The following CEP192 variants were observed in gnomAD, a reference collection of about 807,000 sequenced individuals.
CEP192 encodes centrosomal protein 192.
CEP192 carries 151 observed loss-of-function variants against 271.8 expected under a neutral mutation model. That is an observed-to-expected ratio of 0.56 (90% CI 0.49 to 0.64). CEP192 has a LOEUF of 0.64. Among genes scored for constraint, CEP192 ranks in the 30% least tolerant of loss-of-function variants. CEP192 has a pLI of 0.00. For synonymous variants in CEP192, 995 were observed against 1,076.5 expected (o/e 0.92, Z 1.48); for missense variants, 2,910 against 3,020.5 (o/e 0.96, Z 0.86).
intron 9 of CEP192, among the ~76,000 whole-genome samples, chr18:13,026,196 T>C (rs1020845441): frequency 2.0e-5 from 3 of 152,196 alleles, no homozygotes; most frequent in Non-Finnish European, 4.4e-5. Context: ...CCTTCTTGCT[T>C]GGCATGGTTT....
chr18:13,006,130 C>G (rs1420704969), intron 3 of CEP192, among the ~76,000 whole-genome samples: 4 of 151,998 alleles, frequency 2.6e-5, no homozygotes, highest in Non-Finnish European at 5.9e-5. Flanking sequence ...TTTGGATTGC[C>G]TGGGTTGTTC....
intron 36 of CEP192, among the ~76,000 whole-genome samples, chr18:13,097,585 G>A (rs2039461271): frequency 6.9e-6 from 1 of 144,616 alleles, no homozygotes; most frequent in Non-Finnish European, 1.5e-5. Context: ...ACCGTGAGTT[G>A]CTTTTAAAAT....
intron 21 of CEP192, 35 bp from the exon 22 acceptor site, chr18:13,067,796 C>CT (rs1212368320): frequency 1.2e-5 from 18 of 1,565,066 alleles, no homozygotes; most frequent in Non-Finnish European, 1.6e-5. Context: ...TAATATATTG[C>CT]TTTTCATAAA....
Position 13,105,066 on chromosome 18 carries a change from A to G in CEP192, c.7034A>G (p.His2345Arg). 1 of 1,613,166 alleles carries G rather than the reference A, an allele frequency of 6.2e-7. No homozygotes were observed. Among genetic ancestry groups the G allele is most frequent in the Non-Finnish European group, 8.5e-7 (1 of 1,179,064 alleles). The change falls in exon 40 of 45, where the codon CAT becomes CGT. Residue 2345 changes from histidine (H) to arginine (R), a missense_variant. Coordinates refer to ENST00000506447, the MANE Select transcript of CEP192 (RefSeq NM_032142.4). Reference sequence around the variant, plus strand: ...CCTATTTCTGGTCTGCTGGAAAGCCATGGGATCCAAAAAGTAGGTTTTGAT... The same window carrying G: ...CCTATTTCTGGTCTGCTGGAAAGCCGTGGGATCCAAAAAGTAGGTTTTGAT... ...CSPISGLLES[H>R]GIQKVSITFL...
Position 12,993,916 on chromosome 18 carries a change from G to A in CEP192, c.-5+2479G>A, listed in dbSNP as rs554025753. On this transcript the variant is annotated intron_variant, in intron 1 of 44. Coordinates refer to ENST00000506447, the MANE Select transcript of CEP192 (RefSeq NM_032142.4). ...TTCTTAAAACTCGTTTTTTCAATTT[G>A]TATTTCCAGTTCTCTGTCAGGTATT... Among the ~76,000 whole-genome samples, 7 of 152,202 alleles carry A rather than the reference G, an allele frequency of 4.6e-5. No individual in the cohort carries two copies. The South Asian group carries it at 8.3e-4, about 18-fold the overall frequency.
At chr18:13,004,071 G>C (rs747143345) in intron 3 of CEP192, among the ~76,000 whole-genome samples, 3 of 152,180 alleles carry the variant, frequency 2.0e-5, no homozygotes, top group Non-Finnish European at 2.9e-5. Context: ...AATAAAATGA[G>C]GGCAAAGAAT....
At chr18:13,013,919 C>T (rs907759063) in intron 5 of CEP192, among the ~76,000 whole-genome samples, 5 of 152,184 alleles carry the variant, frequency 3.3e-5, no homozygotes, top group Admixed American at 2.0e-4. Context: ...CCTGTGCCAG[C>T]GATTGGCAAA....
intron 9 of CEP192, among the ~76,000 whole-genome samples, chr18:13,025,159 C>T (rs1343048839): frequency 2.0e-5 from 3 of 151,928 alleles, no homozygotes; most frequent in Non-Finnish European, 4.4e-5. Flanking sequence ...TTTTTTTCCC[C>T]TATTTTTTTC....
chr18:13,113,540 G>A, intron 40 of CEP192, 46 bp from the exon 41 acceptor site: 3 of 1,585,702 alleles, frequency 1.9e-6, no homozygotes, highest in Non-Finnish European at 2.6e-6. Flanking sequence ...CTAACACTGT[G>A]TTTAATGATC....
intron 11 of CEP192, among the ~76,000 whole-genome samples, chr18:13,032,164 T>A (rs540360009): frequency 6.6e-6 from 1 of 152,218 alleles, no homozygotes; most frequent in South Asian, 2.1e-4. Context: ...GTTCTTAGGA[T>A]GTTGTAGAAA....
intron 7 of CEP192, among the ~76,000 whole-genome samples, chr18:13,017,578 C>G (rs1170074239): frequency 1.3e-5 from 2 of 152,144 alleles, no homozygotes; most frequent in African/African-American, 4.8e-5. Context: ...TCCAGTTAAC[C>G]AATTGCTAAA....
intron 22 of CEP192, 21 bp from the exon 23 acceptor site, chr18:13,068,073 G>T (rs1442369740): frequency 6.2e-7 from 1 of 1,613,706 alleles, no homozygotes; most frequent in East Asian, 2.2e-5. Flanking sequence ...TTACTGAACT[G>T]ATTCTTGTAT....
At chr18:13,102,443 C>T (rs1388478029) in intron 38 of CEP192, among the ~76,000 whole-genome samples, 2 of 152,124 alleles carry the variant, frequency 1.3e-5, no homozygotes, top group Non-Finnish European at 2.9e-5. Context: ...GAAGCATCTT[C>T]CTCGGCCCCC....
chr18:13,043,464 C>A (rs911499578), intron 15 of CEP192, among the ~76,000 whole-genome samples: 1 of 152,152 alleles, frequency 6.6e-6, no homozygotes. Flanking sequence ...TGTGCTTCTT[C>A]GGTCTGTTTA....
At chr18:13,112,574 A>G (rs2040254657) in intron 40 of CEP192, among the ~76,000 whole-genome samples, 1 of 152,162 alleles carries the variant, frequency 6.6e-6, no homozygotes, top group African/African-American at 2.4e-5. Context: ...GAAGGGGTAT[A>G]GTTAGGATTT....
At chr18:13,010,790 G>A (rs1157203905) in intron 4 of CEP192, among the ~76,000 whole-genome samples, 1 of 151,934 alleles carries the variant, frequency 6.6e-6, no homozygotes, top group Non-Finnish European at 1.5e-5. Context: ...AGGTTGCGGT[G>A]AGCCGAGATC....
At position 13,056,600 on chromosome 18, in the gene CEP192, A is replaced by G; in HGVS notation, c.4010A>G (p.Asn1337Ser). Residue 1337 changes from asparagine to serine, a missense_variant, in exon 19 of 45, where the codon AAT becomes AGT. Transcript: ENST00000506447. The part of the protein sequence containing the change: ...SLCNPYSNTL[N>S]QNLLSTTKPF... ...TGTAACCCATATTCTAATACCTTAA[A>G]TCAGAACCTGCTAAGCACAACAAAA... 6.2e-7 allele frequency: 1 copy of G among 1,614,206 alleles called. No homozygotes were observed. The highest frequency in any genetic ancestry group is 8.5e-7 in the Non-Finnish European group (1 of 1,180,032).
chr18:12,992,811 G>A (rs534279612), intron 1 of CEP192, among the ~76,000 whole-genome samples: 3 of 152,166 alleles, frequency 2.0e-5, no homozygotes, highest in Non-Finnish European at 4.4e-5. Flanking sequence ...TCCCTGAGGG[G>A]AGCTGCCTTA....
intron 11 of CEP192, 27 bp downstream of exon 11, chr18:13,030,635 T>G (rs1379249869): frequency 3.2e-6 from 5 of 1,546,328 alleles, no homozygotes; most frequent in Non-Finnish European, 4.4e-6. Context: ...ACATTTATTA[T>G]AACATTTTCA....
Sources: allele counts gnomAD v4.1 joint callset (sites outside exome capture counted in the v4.1 genomes callset), GRCh38; gene constraint gnomAD v4.1.1; transcripts MANE v1.5; gene names NCBI Gene and HGNC (gene_info 2026-07-23, HGNC 2026-07-21).